ABCA13: variants seen among roughly 807,000 people sequenced by gnomAD.
The protein encoded by ABCA13 is ATP-binding cassette sub-family A member 13.
A neutral mutation model predicts 478.7 loss-of-function variants in ABCA13; 476 were observed. The observed-to-expected ratio is 0.99, with a 90% CI of 0.92 to 1.07. The LOEUF (loss-of-function observed/expected upper bound fraction) is 1.07. Ranked by LOEUF, ABCA13 falls within the 50% of genes least tolerant of loss-of-function variation. The pLI is 0.00. For missense variants in ABCA13, 6,060 were observed against 5,910.6 expected (o/e 1.03, Z -0.83); for synonymous variants, 2,252 against 2,158.9 (o/e 1.04, Z -1.20).
In ABCA13 at chr7:48,520,232, G is replaced by A. The variant is rs377486442; in HGVS notation, c.13989G>A (p.Ser4663=). 3.0e-5 allele frequency: 49 copies of A among 1,613,314 alleles called. No individual in the cohort carries two copies. Among genetic ancestry groups the A allele is most frequent in the South Asian group, 1.3e-4 (12 of 91,050 alleles). ...GCTGGATCTTCGTGCAACTGGCCTC[G>A]CAGGGCACAGTACTTCTCCTCTTGA... is the stretch of plus-strand genomic sequence containing the variant. ...FLGWIFVQLA[S]QGTVLLLLRV... is the part of the protein sequence containing the mutation. The change falls in exon 53 of 62, where the codon TCG becomes TCA. Residue 4663 remains serine, a synonymous_variant. Coordinates refer to ENST00000435803, the MANE Select transcript of ABCA13 (RefSeq NM_152701.5).
At chr7:48,514,410 A>T (rs1343595698) in intron 51 of ABCA13, among the ~76,000 whole-genome samples, 1 of 152,190 alleles carries the variant, frequency 6.6e-6, no homozygotes, top group Admixed American at 6.5e-5. Context: ...CAGCTATTTA[A>T]AGGACTGTCA....
rs79072074 is a variant in ABCA13 at position 48,388,089 on chromosome 7, G to C, written c.11473+130G>C. The C allele has an allele frequency of 5.5e-3, 5,344 of 974,592 alleles. 27 individuals carry two copies. Among genetic ancestry groups the C allele is most frequent in the Non-Finnish European group, 5.7e-3 (3,966 of 697,774 alleles). 60.4% of individuals were successfully genotyped at this position (974,592 alleles called of 1,614,324 possible). On this transcript the variant is annotated intron_variant, in intron 36 of 61. Transcript: ENST00000435803. ...TCCTAGAGAGACTTACATTTAGGCTGTCTTGGGCTGGGAAACAGCTGCAAG... is the reference window on the plus strand; with the variant it reads ...TCCTAGAGAGACTTACATTTAGGCTCTCTTGGGCTGGGAAACAGCTGCAAG...
intron 58 of ABCA13, among the ~76,000 whole-genome samples, chr7:48,613,370 A>G (rs1301188172): frequency 2.0e-5 from 3 of 152,096 alleles, no homozygotes; most frequent in East Asian, 1.9e-4. Context: ...TTGTACTTTT[A>G]GAAGAGACAG....
intron 44 of ABCA13, among the ~76,000 whole-genome samples, chr7:48,468,765 C>T (rs143636136): frequency 5.9e-5 from 9 of 152,250 alleles, no homozygotes; most frequent in South Asian, 2.1e-4. Flanking sequence ...TGATAGGTTG[C>T]TTTTCTGTTG....
intron 2 of ABCA13, among the ~76,000 whole-genome samples, chr7:48,194,313 G>A (rs553202969): frequency 5.7e-5 from 2 of 35,302 alleles, no homozygotes; most frequent in South Asian, 1.7e-3. Context: ...TGATGATAAT[G>A]GAGATGATGG....
At chr7:48,533,110 A>G (rs532390581) in intron 55 of ABCA13, among the ~76,000 whole-genome samples, 1 of 151,932 alleles carries the variant, frequency 6.6e-6, no homozygotes, top group East Asian at 1.9e-4. Flanking sequence ...GTGCTCTTTC[A>G]GATGTTTTGA....
In ABCA13 at chr7:48,278,921, T is replaced by TA. The variant is rs748932832; in HGVS notation, c.7735dup (p.Ile2579AsnfsTer7). 9.9e-6 allele frequency: 16 copies of TA among 1,612,810 alleles called. No individual in the cohort carries two copies. The highest frequency in any genetic ancestry group is 9.9e-5 in the South Asian group (9 of 91,026). On this transcript the variant is annotated frameshift_variant, in exon 18 of 62. Coordinates refer to ENST00000435803, the MANE Select transcript of ABCA13 (RefSeq NM_152701.5). LOFTEE classifies it high-confidence loss of function. ...AATCTTGTGAAAGAAATAGCTACTT[T>TA]AAAAAAAATAGATCATTTCACATTT... is the stretch of plus-strand genomic sequence containing the variant.
rs377312488 is a variant in ABCA13 at position 48,219,310 on chromosome 7, T to C, written c.288-44T>C. ...TCTTAAAAAATGCCAAGGAAACTTA[T>C]TCTTGTTAAAGAGTTTCACTTGCAG... is the stretch of plus-strand genomic sequence containing the variant. On this transcript the variant is annotated intron_variant, in intron 3 of 61. Transcript: ENST00000435803. 13 of 1,557,838 alleles carry C rather than the reference T, an allele frequency of 8.3e-6. No individual in the cohort carries two copies. In the African/African-American group the frequency reaches 1.7e-4, roughly 20 times the overall value.
chr7:48,287,372 G>A (rs943844305), intron 19 of ABCA13, among the ~76,000 whole-genome samples: 1 of 152,214 alleles, frequency 6.6e-6, no homozygotes, highest in African/African-American at 2.4e-5. Context: ...GGACTGTTAA[G>A]AGCACAGCAG....
chr7:48,282,024 C>T (rs943942969), intron 19 of ABCA13, among the ~76,000 whole-genome samples: 2 of 152,150 alleles, frequency 1.3e-5, no homozygotes. Flanking sequence ...GTCTTCTTTT[C>T]CTGCTGCAGT....
At chr7:48,373,267 CAG>C (rs1338239584) in intron 33 of ABCA13, among the ~76,000 whole-genome samples, 1 of 152,144 alleles carries the variant, frequency 6.6e-6, no homozygotes, top group Non-Finnish European at 1.5e-5. Context: ...CGGGGCTGCT[CAG>C]GGGTATTTAA....
chr7:48,434,856 T>C (rs905423426), intron 42 of ABCA13, among the ~76,000 whole-genome samples: 9 of 151,930 alleles, frequency 5.9e-5, no homozygotes, highest in African/African-American at 2.2e-4. Context: ...TTTATTCCAT[T>C]GGTCTTTACG....
chr7:48,188,919 C>T (rs1796719282), intron 1 of ABCA13, among the ~76,000 whole-genome samples: 1 of 152,176 alleles, frequency 6.6e-6, no homozygotes, highest in Non-Finnish European at 1.5e-5. Context: ...TGGGAAGCTC[C>T]GGGGTACAGG....
chr7:48,396,784 A>C (rs1215454592), intron 38 of ABCA13, among the ~76,000 whole-genome samples: 1 of 152,168 alleles, frequency 6.6e-6, no homozygotes, highest in Non-Finnish European at 1.5e-5. Flanking sequence ...CAGGCAGGGC[A>C]GGTGTGTCAC....
intron 56 of ABCA13, among the ~76,000 whole-genome samples, chr7:48,582,574 C>A (rs912692238): frequency 6.6e-6 from 1 of 152,174 alleles, no homozygotes; most frequent in Non-Finnish European, 1.5e-5. Flanking sequence ...CCATTGTAAG[C>A]TCTATGATTC....
chr7:48,274,774 A>G lies in ABCA13; in HGVS notation c.5108A>G (p.Asn1703Ser). Residue 1703 changes from asparagine to serine, a missense_variant, in exon 17 of 62, where the codon AAT becomes AGT. Coordinates refer to ENST00000435803, the MANE Select transcript of ABCA13 (RefSeq NM_152701.5). The stretch of plus-strand genomic sequence containing the variant: ...AATATCAGTAGTGTGGGAACTGGCA[A>G]TTTAGTGGTCAATTTGCTTGTTGGC... ...FKNISSVGTGNLVVNLLVGLM... is the reference protein window; with the variant it reads ...FKNISSVGTGSLVVNLLVGLM... The G allele has an allele frequency of 6.2e-7, 1 of 1,613,974 alleles. No individual in the cohort carries two copies. Among genetic ancestry groups the G allele is most frequent in the Non-Finnish European group, 8.5e-7 (1 of 1,179,848 alleles).
At chr7:48,444,481 TTGGGCAAAACTTTA>T (rs1287531459) in intron 42 of ABCA13, among the ~76,000 whole-genome samples, 1 of 152,204 alleles carries the variant, frequency 6.6e-6, no homozygotes, top group African/African-American at 2.4e-5. Flanking sequence ...CATCCTCTTT[TTGGGCAAAACTTTA>T]TTTCTTTGGA....
At chr7:48,446,322 A>G (rs781198072) in intron 42 of ABCA13, among the ~76,000 whole-genome samples, 18 of 151,214 alleles carry the variant, frequency 1.2e-4, no homozygotes, top group Non-Finnish European at 1.9e-4. Flanking sequence ...TCACAAATCT[A>G]TCTAATACTG....
At position 48,234,280 on chromosome 7, in the gene ABCA13, C is replaced by T. The variant is rs113995500; in HGVS notation, c.897+129C>T. 1.3e-4 allele frequency: 161 copies of T among 1,260,132 alleles called. No homozygotes were observed. The African/African-American group carries it at 1.9e-3, about 15-fold the overall frequency. The allele number at this position is 1,260,132 out of a possible 1,614,324, so 78.1% of individuals were successfully genotyped here. A position where few individuals can be genotyped will look rare whatever the true frequency, so the allele number is the denominator to read the frequency against. On this transcript the variant is annotated intron_variant, in intron 8 of 61. Transcript: ENST00000435803. ...CAGACAGGAGAGTTCGGTCAAAACC[C>T]GAGCTCCTTACGCAGAAGAGACCCC...
Sources: gnomAD v4.1 joint callset for allele counts (sites outside exome capture counted in the v4.1 genomes callset) on GRCh38, gnomAD v4.1.1 for gene constraint, MANE v1.5 for transcripts, NCBI Gene and HGNC (gene_info 2026-07-23, HGNC 2026-07-21) for gene names.